MPRIP: variants seen among roughly 807,000 people sequenced by gnomAD.
MPRIP encodes the protein myosin phosphatase Rho-interacting protein.
A neutral mutation model predicts 234.9 loss-of-function variants in MPRIP; 59 were observed. That is an observed-to-expected ratio of 0.25 (90% CI 0.20 to 0.31). The LOEUF (loss-of-function observed/expected upper bound fraction) is 0.31. Ranked by LOEUF, MPRIP falls within the 10% of genes least tolerant of loss-of-function variation. The pLI is 1.00. For missense variants in MPRIP, 2,436 were observed against 3,071.0 expected (o/e 0.79, Z 4.89); for synonymous variants, 1,144 against 1,263.9 (o/e 0.91, Z 2.01).
Position 17,164,749 on chromosome 17 carries a change from A to C in MPRIP, c.3158A>C (p.Gln1053Pro). 1 of 1,303,536 alleles carries C rather than the reference A, an allele frequency of 7.7e-7. No individual in the cohort carries two copies. The highest frequency in any genetic ancestry group is 1.0e-6 in the Non-Finnish European group (1 of 988,672). The allele number at this position is 1,303,536 out of a possible 1,614,324, so 80.7% of individuals were successfully genotyped here. A position where few individuals can be genotyped will look rare whatever the true frequency, so the allele number is the denominator to read the frequency against. Residue 1053 changes from glutamine (Q) to proline (P), a missense_variant, in exon 16 of 24, where the codon CAG (glutamine) becomes CCG (proline). Physicochemically the swap from Gln to Pro is moderately conservative, Grantham distance 76. This residue lies in a region of MPRIP where 1,998 missense variants were observed against 2,520.3 expected (regional missense o/e 0.79). Transcript: ENST00000651222. ...VEDKASAYEDQLQGQAQQVET... is the reference protein window; with the variant it reads ...VEDKASAYEDPLQGQAQQVET... The stretch of plus-strand genomic sequence containing the variant: ...GACAAGGCCAGCGCCTATGAGGACC[A>C]GCTGCAGGGTCAGGCACAGCAGGTG...
intron 3 of MPRIP, among the ~76,000 whole-genome samples, chr17:17,081,507 G>C (rs1013453401): frequency 1.3e-5 from 2 of 152,250 alleles, no homozygotes; most frequent in Non-Finnish European, 2.9e-5. Flanking sequence ...CTCAGCAGAA[G>C]GGAGAAAACC....
At chr17:17,079,734 C>A (rs1053586398) in intron 3 of MPRIP, among the ~76,000 whole-genome samples, 1 of 152,232 alleles carries the variant, frequency 6.6e-6, no homozygotes, top group Non-Finnish European at 1.5e-5. Flanking sequence ...GTCAGGAAAT[C>A]TTTCTTTAGG....
intron 5 of MPRIP, among the ~76,000 whole-genome samples, chr17:17,135,519 T>C (rs2090678534): frequency 6.6e-6 from 1 of 152,224 alleles, no homozygotes; most frequent in South Asian, 2.1e-4. Context: ...AGTCAGCTTA[T>C]AAATAATAGA....
intron 3 of MPRIP, among the ~76,000 whole-genome samples, chr17:17,115,633 T>C (rs1464652304): frequency 6.6e-6 from 1 of 152,146 alleles, no homozygotes; most frequent in East Asian, 1.9e-4. Context: ...TTCAGAGCAT[T>C]TTTCATCAAC....
At chr17:17,088,112 T>G (rs938650828) in intron 3 of MPRIP, among the ~76,000 whole-genome samples, 4 of 152,334 alleles carry the variant, frequency 2.6e-5, no homozygotes, top group African/African-American at 7.2e-5. Context: ...GGTTATCCAC[T>G]TAGGTGCTCT....
At chr17:17,044,928 C>T (rs2143800054) in intron 1 of MPRIP, among the ~76,000 whole-genome samples, 1 of 152,228 alleles carries the variant, frequency 6.6e-6, no homozygotes, top group Non-Finnish European at 1.5e-5. Context: ...GTTAGCCCAG[C>T]ATTCTACCTC....
At chr17:17,139,562 A>G (rs1466116497) in intron 7 of MPRIP, among the ~76,000 whole-genome samples, 1 of 152,220 alleles carries the variant, frequency 6.6e-6, no homozygotes, top group Non-Finnish European at 1.5e-5. Flanking sequence ...GCTCAGAGTT[A>G]GAGACGCTAC....
chr17:17,070,640 T>G (rs1254743500), intron 1 of MPRIP, among the ~76,000 whole-genome samples: 3 of 152,264 alleles, frequency 2.0e-5, no homozygotes, highest in Admixed American at 6.5e-5. Context: ...TGTCTTTCCC[T>G]TTAATTCAAG....
rs1248157670 is a variant in MPRIP, at chr17:17,176,436, G to A, written c.6881G>A (p.Arg2294Gln). ...TCTCTGTCATTTTAGGTCTTATTGC[G>A]GGTAAAGGAATCGGAAATACAGTAC... ...KDAYELEVLLRVKESEIQYLK... is the reference protein window; with the variant it reads ...KDAYELEVLLQVKESEIQYLK... The change falls in exon 21 of 24, where the codon CGG becomes CAG. Residue 2294 changes from arginine (R) to glutamine (Q), a missense_variant. Arg to Gln is a conservative substitution (Grantham distance 43, BLOSUM62 1). Coordinates refer to ENST00000651222, the MANE Select transcript of MPRIP (RefSeq NM_001364716.4). The A allele has an allele frequency of 3.1e-6, 5 of 1,613,522 alleles. No individual in the cohort carries two copies. Among genetic ancestry groups the A allele is most frequent in the Admixed American group, 3.3e-5 (2 of 60,014 alleles).
chr17:17,108,309 AG>A (rs1472637462), intron 3 of MPRIP, among the ~76,000 whole-genome samples: 1 of 152,208 alleles, frequency 6.6e-6, no homozygotes, highest in African/African-American at 2.4e-5. Flanking sequence ...CCCAGCAAAA[AG>A]CTGTAAGTGA....
At position 17,147,804 on chromosome 17, in the gene MPRIP, G is replaced by A. The variant is rs1373752890; in HGVS notation, c.1629+417G>A. Among the ~76,000 whole-genome samples, 4 of 152,210 alleles carry A rather than the reference G, an allele frequency of 2.6e-5. No homozygotes were observed. The South Asian group carries it at 6.2e-4, about 24-fold the overall frequency. On this transcript the variant is annotated intron_variant, in intron 11 of 23. Transcript: ENST00000651222. ...TTGGAAGAATTGAACTACATCTTGT[G>A]CCCTGCCTTCTGGACAAGGACAGGA...
rs772435255 is a variant in MPRIP at position 17,136,440 on chromosome 17, G to A, written c.726G>A (p.Glu242=). The A allele has an allele frequency of 2.2e-5, 35 of 1,609,830 alleles. No homozygotes were observed. The highest frequency in any genetic ancestry group is 2.0e-5 in the Non-Finnish European group (23 of 1,178,016). The part of the protein sequence containing the change: ...AASSLREPGL[E]SKEEESAMSS... ...GCTCCCTGCGGGAACCTGGGCTAGA[G>A]AGCAAAGAAGGTGAGCGGAGGCCAG... is the stretch of plus-strand genomic sequence containing the variant. The change falls in exon 6 of 24, where the codon GAG becomes GAA. Residue 242 remains glutamate, a synonymous_variant. Coordinates refer to ENST00000651222, the MANE Select transcript of MPRIP (RefSeq NM_001364716.4).
At chr17:17,076,283 C>G (rs2089326034) in intron 2 of MPRIP, 1 of 152,602 alleles carries the variant, frequency 6.6e-6, no homozygotes, top group Non-Finnish European at 1.5e-5. Context: ...ATTGGCCTGA[C>G]CTGTGGTTTG....
intron 3 of MPRIP, among the ~76,000 whole-genome samples, chr17:17,112,389 TC>T (rs1182921684): frequency 6.6e-6 from 1 of 152,024 alleles, no homozygotes; most frequent in Non-Finnish European, 1.5e-5. Flanking sequence ...TGCCCTCTCT[TC>T]CCCCCGTATC....
At chr17:17,145,056 C>T (rs763723044) in intron 9 of MPRIP, among the ~76,000 whole-genome samples, 1 of 152,190 alleles carries the variant, frequency 6.6e-6, no homozygotes, top group Non-Finnish European at 1.5e-5. Flanking sequence ...GCGGCAAGGA[C>T]AGTTGCACAG....
chr17:17,119,412 G>T (rs1349104331), intron 3 of MPRIP, among the ~76,000 whole-genome samples: 2 of 152,238 alleles, frequency 1.3e-5, no homozygotes, highest in African/African-American at 4.8e-5. Context: ...GCATGACCTT[G>T]TGCAAACAAT....
At chr17:17,131,959 G>A (rs193174744) in intron 5 of MPRIP, among the ~76,000 whole-genome samples, 1 of 152,216 alleles carries the variant, frequency 6.6e-6, no homozygotes, top group African/African-American at 2.4e-5. Flanking sequence ...GCAGTACACA[G>A]CTGTGACCCC....
At chr17:17,065,599 T>G (rs1328820283) in intron 1 of MPRIP, among the ~76,000 whole-genome samples, 2 of 152,214 alleles carry the variant, frequency 1.3e-5, no homozygotes, top group African/African-American at 4.8e-5. Context: ...AGTCTTGTGA[T>G]TGGGTAAATA....
intron 3 of MPRIP, among the ~76,000 whole-genome samples, chr17:17,105,586 A>T (rs529915519): frequency 2.0e-5 from 3 of 152,186 alleles, no homozygotes; most frequent in Non-Finnish European, 2.9e-5. Context: ...TTGGCCACTG[A>T]GTCAGGCCAC....
Sources: gnomAD v4.1 joint callset for allele counts (sites outside exome capture counted in the v4.1 genomes callset) on GRCh38, gnomAD v4.1.1 for gene constraint, gnomAD v4.1.1 regional missense constraint, MANE v1.5 for transcripts, NCBI Gene and HGNC (gene_info 2026-07-23, HGNC 2026-07-21) for gene names.